The following PCDHA8 variants were observed in gnomAD, a reference collection of about 807,000 sequenced individuals.
PCDHA8 encodes the protein protocadherin alpha 8.
In PCDHA8, 53 loss-of-function variants were observed where a neutral mutation model predicts 61.8. That is an observed-to-expected ratio of 0.86 (90% CI 0.69 to 1.08). The LOEUF is 1.08. Ranked by LOEUF, PCDHA8 falls within the 50% of genes least tolerant of loss-of-function variation. PCDHA8 has a pLI of 0.00. For synonymous variants in PCDHA8, 618 were observed against 556.6 expected (o/e 1.11, Z -1.55); for missense variants, 1,293 against 1,245.0 (o/e 1.04, Z -0.58).
chr5:140,850,744 A>G (rs2150496809), intron 1 of PCDHA8: 2 of 1,597,586 alleles, frequency 1.3e-6, no homozygotes, highest in Non-Finnish European at 1.7e-6. Context: ...AGTTGGTCGT[A>G]CTCGCAGCAG....
intron 1 of PCDHA8, among the ~76,000 whole-genome samples, chr5:140,943,702 G>C (rs2153663732): frequency 6.6e-6 from 1 of 152,280 alleles, no homozygotes; most frequent in South Asian, 2.1e-4. Context: ...AAATATTGTG[G>C]AACACATTTA....
chr5:140,944,277 C>T (rs922160593), intron 1 of PCDHA8, among the ~76,000 whole-genome samples: 1 of 152,044 alleles, frequency 6.6e-6, no homozygotes, highest in Non-Finnish European at 1.5e-5. Flanking sequence ...AGCCTTGACA[C>T]CCCGGGCTCA....
intron 1 of PCDHA8, chr5:140,876,785 C>T (rs1554168921): frequency 3.1e-6 from 5 of 1,614,206 alleles, no homozygotes; most frequent in Admixed American, 1.7e-5. Flanking sequence ...CTGTGGGCCA[C>T]GGCTAGAGTG....
chr5:140,927,640 A>G (rs2084459027), intron 1 of PCDHA8: 8 of 1,614,138 alleles, frequency 5.0e-6, no homozygotes, highest in Non-Finnish European at 6.8e-6. Flanking sequence ...ACCCAATGGG[A>G]CTGTGTTATT....
At chr5:140,887,629 T>C (rs2061519169) in intron 1 of PCDHA8, among the ~76,000 whole-genome samples, 1 of 152,128 alleles carries the variant, frequency 6.6e-6, no homozygotes, top group Non-Finnish European at 1.5e-5. Flanking sequence ...TTTATGTTAG[T>C]CTGTTGGGGT....
At chr5:140,999,858 C>G (rs1563644401) in intron 3 of PCDHA8, among the ~76,000 whole-genome samples, 3 of 152,170 alleles carry the variant, frequency 2.0e-5, no homozygotes. Context: ...CTCTTCCGCT[C>G]CAAGATTACT....
chr5:140,850,695 C>T lies in PCDHA8; in HGVS notation c.2394+6980C>T, dbSNP rs2150494737. 6 of 1,598,304 alleles carry T rather than the reference C, an allele frequency of 3.8e-6. No homozygotes were observed. The South Asian group carries it at 5.5e-5, about 15-fold the overall frequency. On this transcript the variant is annotated intron_variant, in intron 1 of 3. Transcript: ENST00000531613. Reference sequence around the variant, plus strand: ...GATGCCCACCGAGGGCGAGTGCGCGCCTGGCAAGCCGACGCTGGTGTGTTC... The same window carrying T: ...GATGCCCACCGAGGGCGAGTGCGCGTCTGGCAAGCCGACGCTGGTGTGTTC...
At chr5:140,946,342 A>G (rs2093932164) in intron 1 of PCDHA8, among the ~76,000 whole-genome samples, 1 of 151,846 alleles carries the variant, frequency 6.6e-6, no homozygotes, top group African/African-American at 2.4e-5. Context: ...CAAGTGATGG[A>G]GAGGATGTGG....
chr5:140,858,149 G>T, intron 1 of PCDHA8: 1 of 1,597,572 alleles, frequency 6.3e-7, no homozygotes, highest in Non-Finnish European at 8.6e-7. Flanking sequence ...CCTGATCATC[G>T]CCATCTGCGC....
intron 1 of PCDHA8, among the ~76,000 whole-genome samples, chr5:140,924,446 G>A (rs1554201951): frequency 6.6e-6 from 1 of 152,110 alleles, no homozygotes; most frequent in African/African-American, 2.4e-5. Context: ...ATAACGAATG[G>A]GTTTGTGTGT....
chr5:140,883,726 G>A, intron 1 of PCDHA8: 2 of 1,613,590 alleles, frequency 1.2e-6, no homozygotes, highest in Non-Finnish European at 1.7e-6. Context: ...ACGCACAGGA[G>A]AACGCGCTGG....
chr5:140,902,421 A>G (rs1187358402), intron 1 of PCDHA8, among the ~76,000 whole-genome samples: 4 of 152,076 alleles, frequency 2.6e-5, no homozygotes, highest in Non-Finnish European at 5.9e-5. Context: ...AACAGTGGTG[A>G]AAGTGGGCAT....
chr5:140,884,534 C>T (rs781847666), intron 1 of PCDHA8: 3 of 1,614,180 alleles, frequency 1.9e-6, no homozygotes, highest in Admixed American at 3.3e-5. Context: ...GCAGAGGCGG[C>T]CGAGGGTGTG....
chr5:140,869,381 A>G, intron 1 of PCDHA8: 2 of 1,614,128 alleles, frequency 1.2e-6, no homozygotes, highest in South Asian at 1.1e-5. Flanking sequence ...ATCGACCGCG[A>G]GGAGCTGTGC....
chr5:140,888,067 T>G (rs1392142536), intron 1 of PCDHA8, among the ~76,000 whole-genome samples: 1 of 152,224 alleles, frequency 6.6e-6, no homozygotes, highest in Admixed American at 6.5e-5. Context: ...CTTTCTTGTC[T>G]GCTAATTTCA....
At chr5:140,852,214 ATTTTAAT>A (rs2042272787) in intron 1 of PCDHA8, 1 of 644,752 alleles carries the variant, frequency 1.6e-6, no homozygotes, top group Non-Finnish European at 2.0e-6. Flanking sequence ...AAAACAAAAT[ATTTTAAT>A]TTTTAAATTT....
chr5:140,892,384 A>T (rs1313796499), intron 1 of PCDHA8, among the ~76,000 whole-genome samples: 1 of 152,162 alleles, frequency 6.6e-6, no homozygotes, highest in Non-Finnish European at 1.5e-5. Flanking sequence ...AATCATGGGT[A>T]ATCTTAATCT....
intron 3 of PCDHA8, among the ~76,000 whole-genome samples, chr5:140,984,683 T>A (rs1481664684): frequency 6.6e-6 from 1 of 152,200 alleles, no homozygotes; most frequent in East Asian, 1.9e-4. Flanking sequence ...GGACTCAATA[T>A]ATGTTCTGCA....
intron 1 of PCDHA8, among the ~76,000 whole-genome samples, chr5:140,949,517 C>T (rs2094387959): frequency 6.6e-6 from 1 of 151,706 alleles, no homozygotes; most frequent in African/African-American, 2.4e-5. Context: ...TTTATTGATC[C>T]TTTTATCTTC....
Sources: gnomAD v4.1 joint callset for allele counts (sites outside exome capture counted in the v4.1 genomes callset) on GRCh38, gnomAD v4.1.1 for gene constraint, MANE v1.5 for transcripts, NCBI Gene and HGNC (gene_info 2026-07-23, HGNC 2026-07-21) for gene names.